Variants in PRKCE observed in about 807,000 individuals in gnomAD.
The protein encoded by PRKCE is protein kinase C epsilon type.
In PRKCE, 16 loss-of-function variants were observed where a neutral mutation model predicts 85.4. That is an observed-to-expected ratio of 0.19 (90% CI 0.13 to 0.28). The LOEUF is 0.28. Among genes scored for constraint, PRKCE ranks in the 10% least tolerant of loss-of-function variants. The pLI is 1.00. For missense variants in PRKCE, 573 were observed against 975.2 expected (o/e 0.59, Z 5.49); for synonymous variants, 388 against 371.5 (o/e 1.04, Z -0.51).
At chr2:45,811,044 T>C (rs921767877) in intron 1 of PRKCE, among the ~76,000 whole-genome samples, 2 of 152,230 alleles carry the variant, frequency 1.3e-5, no homozygotes, top group African/African-American at 2.4e-5. Flanking sequence ...CTGTCACATA[T>C]ACATTTGTTT....
chr2:45,837,659 C>G (rs1291220004), intron 1 of PRKCE, among the ~76,000 whole-genome samples: 4 of 152,184 alleles, frequency 2.6e-5, no homozygotes, highest in Non-Finnish European at 5.9e-5. Context: ...TGTGATCTCA[C>G]TAGCACACTG....
At chr2:45,950,420 A>G (rs1282367752) in intron 2 of PRKCE, among the ~76,000 whole-genome samples, 2 of 152,198 alleles carry the variant, frequency 1.3e-5, no homozygotes, top group South Asian at 2.1e-4. Flanking sequence ...AAAGCTTTAA[A>G]TGAAATTTTC....
chr2:45,722,987 G>T (rs564918958), intron 1 of PRKCE, among the ~76,000 whole-genome samples: 1 of 152,304 alleles, frequency 6.6e-6, no homozygotes, highest in East Asian at 1.9e-4. Flanking sequence ...CTTAATCCCA[G>T]CTACTTGGGA....
intron 1 of PRKCE, among the ~76,000 whole-genome samples, chr2:45,737,412 G>A (rs910627754): frequency 7.9e-5 from 12 of 152,140 alleles, no homozygotes; most frequent in African/African-American, 2.7e-4. Context: ...CTTCTTCGGA[G>A]CACTCAGACA....
intron 1 of PRKCE, among the ~76,000 whole-genome samples, chr2:45,772,569 T>G (rs1007624833): frequency 2.0e-5 from 3 of 152,172 alleles, no homozygotes; most frequent in Admixed American, 2.0e-4. Context: ...GATCCTAGGC[T>G]CTTTGGGGAC....
At chr2:46,021,120 T>G (rs13426795) in intron 10 of PRKCE, among the ~76,000 whole-genome samples, 17,278 of 152,070 alleles carry the variant, frequency 0.11, 1,471 homozygotes, top group African/African-American at 0.24. Context: ...CACAGTGAGT[T>G]TGGGGGCAGG....
chr2:45,925,849 G>A (rs571946686), intron 2 of PRKCE, among the ~76,000 whole-genome samples: 39 of 152,356 alleles, frequency 2.6e-4, no homozygotes, highest in African/African-American at 8.7e-4. Flanking sequence ...GCAACAGTGG[G>A]ACTTGAGCTA....
chr2:46,156,597 T>A (rs1677230750), intron 13 of PRKCE, among the ~76,000 whole-genome samples: 1 of 152,180 alleles, frequency 6.6e-6, no homozygotes, highest in Admixed American at 6.5e-5. Flanking sequence ...ACTGTCTGCA[T>A]CCAAAAATGG....
chr2:45,723,378 C>T (rs1370174465), intron 1 of PRKCE, among the ~76,000 whole-genome samples: 1 of 152,136 alleles, frequency 6.6e-6, no homozygotes, highest in African/African-American at 2.4e-5. Context: ...CCTCAGGAGG[C>T]TTCCAGGGCC....
intron 1 of PRKCE, among the ~76,000 whole-genome samples, chr2:45,827,829 G>T (rs1408454372): frequency 6.6e-6 from 1 of 152,108 alleles, no homozygotes; most frequent in Non-Finnish European, 1.5e-5. Context: ...ATTAATATTG[G>T]ATTAAAGGGA....
chr2:45,690,924 G>A (rs115318689), intron 1 of PRKCE, among the ~76,000 whole-genome samples: 2,097 of 152,354 alleles, frequency 0.014, 47 homozygotes, highest in African/African-American at 0.046. Context: ...ATACCTTAGG[G>A]TGCCAGCAAA....
At chr2:45,708,227 C>T (rs541100241) in intron 1 of PRKCE, among the ~76,000 whole-genome samples, 73 of 152,266 alleles carry the variant, frequency 4.8e-4, no homozygotes, top group Non-Finnish European at 9.4e-4. Context: ...TCAAGTGCCA[C>T]AGAACAAAGC....
At chr2:45,890,062 C>G (rs965412985) in intron 2 of PRKCE, among the ~76,000 whole-genome samples, 1 of 152,178 alleles carries the variant, frequency 6.6e-6, no homozygotes, top group African/African-American at 2.4e-5. Context: ...ACTGTCTGTT[C>G]CAGAGCAATT....
At chr2:46,150,036 G>C (rs1292023033) in intron 12 of PRKCE, among the ~76,000 whole-genome samples, 3 of 151,828 alleles carry the variant, frequency 2.0e-5, no homozygotes, top group Non-Finnish European at 2.9e-5. Flanking sequence ...TTTTTTAAGA[G>C]ACAGGGTCTT....
intron 1 of PRKCE, among the ~76,000 whole-genome samples, chr2:45,830,185 T>G (rs1170570443): frequency 1.3e-5 from 2 of 152,026 alleles, no homozygotes; most frequent in African/African-American, 4.8e-5. Context: ...AAGAAACCAA[T>G]TTCTCATTCA....
intron 2 of PRKCE, among the ~76,000 whole-genome samples, chr2:45,853,450 C>G (rs1334941667): frequency 6.6e-6 from 1 of 152,102 alleles, no homozygotes; most frequent in Non-Finnish European, 1.5e-5. Context: ...TGAGTGGTGC[C>G]TGAATTTGAT....
intron 1 of PRKCE, among the ~76,000 whole-genome samples, chr2:45,799,025 G>A (rs1394578229): frequency 6.6e-6 from 1 of 151,948 alleles, no homozygotes; most frequent in Non-Finnish European, 1.5e-5. Flanking sequence ...AATTAGCCGG[G>A]CATGGTGGTG....
At chr2:45,784,917 A>G (rs1686476093) in intron 1 of PRKCE, among the ~76,000 whole-genome samples, 1 of 152,224 alleles carries the variant, frequency 6.6e-6, no homozygotes, top group African/African-American at 2.4e-5. Context: ...AGCAAACTGT[A>G]CACTTAAGAT....
At chr2:45,745,843 A>C (rs1278149174) in intron 1 of PRKCE, among the ~76,000 whole-genome samples, 1 of 152,116 alleles carries the variant, frequency 6.6e-6, no homozygotes, top group Non-Finnish European at 1.5e-5. Context: ...TTCAGCATCG[A>C]ATTTCTTTTC....
Sources: gnomAD v4.1 joint callset for allele counts (sites outside exome capture counted in the v4.1 genomes callset) on GRCh38, gnomAD v4.1.1 for gene constraint, MANE v1.5 for transcripts, NCBI Gene and HGNC (gene_info 2026-07-23, HGNC 2026-07-21) for gene names.